Variants in CTPS2 observed in about 807,000 individuals in gnomAD.
CTPS2 encodes CTP synthase 2, also known as CTP synthase II.
A neutral mutation model predicts 46.8 loss-of-function variants in CTPS2; 19 were observed. The ratio of observed to expected loss-of-function variants is 0.41; its 90% CI spans 0.28 to 0.60. CTPS2 has a LOEUF of 0.60. Among genes scored for constraint, CTPS2 ranks in the 20% least tolerant of loss-of-function variants. The pLI is 0.35. For synonymous variants in CTPS2, 151 were observed against 165.2 expected (o/e 0.91, Z 0.66); for missense variants, 286 against 447.6 (o/e 0.64, Z 3.26).
chrX:16,675,735 C>G lies in CTPS2; in HGVS notation c.1094+2627G>C, dbSNP rs770878362. Among the ~76,000 whole-genome samples, 3 of 111,607 alleles carry G rather than the reference C, an allele frequency of 2.7e-5. No individual in the cohort carries two copies. The South Asian group carries it at 1.1e-3, about 42-fold the overall frequency. On this transcript the variant is annotated intron_variant, in intron 10 of 18. Transcript: ENST00000359276. Reference sequence around the variant, plus strand: ...AGGTAGTTAAAAATCAACTATAGAACTCTAACAGCTGTTCTTAAATGCAAG... The same window carrying G: ...AGGTAGTTAAAAATCAACTATAGAAGTCTAACAGCTGTTCTTAAATGCAAG...
At chrX:16,674,793 G>A (rs1232057376) in intron 10 of CTPS2, among the ~76,000 whole-genome samples, 5 of 105,823 alleles carry the variant, frequency 4.7e-5, no homozygotes, top group East Asian at 6.1e-4. Context: ...AGCAGAGATT[G>A]CGCCACTGCA....
In CTPS2 at chrX:16,648,836, C is replaced by T. The variant is rs958997043; in HGVS notation, c.1297-9593G>A. Among the ~76,000 whole-genome samples, 4 of 112,027 alleles carry T rather than the reference C, an allele frequency of 3.6e-5. No individual in the cohort carries two copies. In the Admixed American group the frequency reaches 3.8e-4, roughly 11 times the overall value. On this transcript the variant is annotated intron_variant, in intron 13 of 18. Transcript: ENST00000359276. Reference sequence around the variant, plus strand: ...TCTATTAGATTTCCCATTTGTTCTCCAATGTAAATAAGGCCCTAGAATTTT... The same window carrying T: ...TCTATTAGATTTCCCATTTGTTCTCTAATGTAAATAAGGCCCTAGAATTTT...
At chrX:16,609,204 A>G (rs931995707) in intron 17 of CTPS2, among the ~76,000 whole-genome samples, 2 of 111,566 alleles carry the variant, frequency 1.8e-5, no homozygotes, top group African/African-American at 3.3e-5. Context: ...AAATGAAGAA[A>G]AGATATGAAC....
In CTPS2 at chrX:16,651,933, C is replaced by CA. The variant is rs997710092; in HGVS notation, c.1297-12691dup. On this transcript the variant is annotated intron_variant, in intron 13 of 18. Coordinates refer to ENST00000359276, the MANE Select transcript of CTPS2 (RefSeq NM_175859.3). ...GGGCCATGGCGACCCATACAGGGAC[C>CA]ACTGAAACGTGTTCTTGCCATGGGG... Among the ~76,000 whole-genome samples the CA allele has an allele frequency of 8.2e-5, 9 of 109,580 alleles. No individual in the cohort carries two copies. The South Asian group carries it at 2.0e-3, about 24-fold the overall frequency.
intron 1 of CTPS2, among the ~76,000 whole-genome samples, chrX:16,704,673 C>G (rs1924852146): frequency 9.0e-6 from 1 of 111,489 alleles, no homozygotes; most frequent in Admixed American, 9.6e-5. Context: ...TTCCGCCGGG[C>G]ACGGTGGCTC....
At chrX:16,672,146 G>A (rs1158882563) in intron 10 of CTPS2, among the ~76,000 whole-genome samples, 2 of 111,335 alleles carry the variant, frequency 1.8e-5, no homozygotes, top group Non-Finnish European at 3.8e-5. Flanking sequence ...TTGGCACTAT[G>A]GGATGTTAAT....
chrX:16,651,670 T>C (rs1932639794), intron 13 of CTPS2, among the ~76,000 whole-genome samples: 1 of 112,370 alleles, frequency 8.9e-6, no homozygotes, highest in African/African-American at 3.2e-5. Context: ...TAAATTTGTG[T>C]TAATGAGGCA....
At chrX:16,645,093 C>A (rs1932251679) in intron 13 of CTPS2, among the ~76,000 whole-genome samples, 1 of 111,587 alleles carries the variant, frequency 9.0e-6, no homozygotes, top group Non-Finnish European at 1.9e-5. Context: ...CGCCATTCTC[C>A]TGCCTCAGCC....
intron 13 of CTPS2, among the ~76,000 whole-genome samples, chrX:16,650,659 C>T (rs752261752): frequency 9.2e-6 from 1 of 108,333 alleles, no homozygotes; most frequent in Non-Finnish European, 1.9e-5. Flanking sequence ...ACTATAGGCA[C>T]GCACCACCAC....
chrX:16,678,723 C>T (rs893766901), intron 9 of CTPS2, among the ~76,000 whole-genome samples: 5 of 110,237 alleles, frequency 4.5e-5, no homozygotes, highest in South Asian at 3.9e-4. Context: ...TGGGGTCAAC[C>T]GCGTGGGGTG....
intron 14 of CTPS2, 47 bp downstream of exon 14, chrX:16,639,100 T>G: frequency 2.9e-6 from 3 of 1,032,230 alleles, no homozygotes; most frequent in Non-Finnish European, 1.4e-6. Context: ...TGCAGTCACA[T>G]GAGCCACATC....
intron 1 of CTPS2, among the ~76,000 whole-genome samples, chrX:16,708,666 A>G (rs1407022948): frequency 9.0e-6 from 1 of 111,249 alleles, no homozygotes; most frequent in Admixed American, 9.8e-5. Flanking sequence ...ACTGGACTTC[A>G]CCTTTCCTGC....
At chrX:16,684,434 G>A (rs372256386) in intron 8 of CTPS2, among the ~76,000 whole-genome samples, 44 of 105,594 alleles carry the variant, frequency 4.2e-4, no homozygotes, top group Admixed American at 2.4e-3. Flanking sequence ...ACTTGAACCC[G>A]GGAGGCAGAG....
At position 16,620,288 on chromosome X, in the gene CTPS2, G is replaced by A; in HGVS notation, c.1438C>T (p.His480Tyr). 8.3e-7 allele frequency: 1 copy of A among 1,203,707 alleles called. No homozygotes were observed. ...DVPFIEERHR[H>Y]RFEVNPNLIK... is the part of the protein sequence containing the mutation. ...CATGAAAGCCGTACCTCGAACCGAT[G>A]TCTGTGTCTTTCTTCTATAAAAGGA... Residue 480 changes from histidine to tyrosine, a missense_variant, in exon 15 of 19, where the codon CAT (histidine) becomes TAT (tyrosine). Coordinates refer to ENST00000359276, the MANE Select transcript of CTPS2 (RefSeq NM_175859.3).
chrX:16,645,265 T>C (rs1450558130), intron 13 of CTPS2, among the ~76,000 whole-genome samples: 1 of 110,541 alleles, frequency 9.0e-6, no homozygotes, highest in Non-Finnish European at 1.9e-5. Flanking sequence ...AGTGCTAGGA[T>C]TACAGGCATG....
At chrX:16,691,734 C>T in intron 6 of CTPS2, 114 bp from the exon 7 acceptor site, 1 of 553,182 alleles carries the variant, frequency 1.8e-6, no homozygotes, top group Non-Finnish European at 3.1e-6. Context: ...TTGGACATTC[C>T]ACTGGACTAT....
At chrX:16,709,536 TTTTA>T (rs1925287077) in intron 1 of CTPS2, among the ~76,000 whole-genome samples, 1 of 109,902 alleles carries the variant, frequency 9.1e-6, no homozygotes, top group African/African-American at 3.3e-5. Context: ...AAGATCTAAA[TTTTA>T]TTTGTCACCA....
At chrX:16,650,111 C>T (rs1024488653) in intron 13 of CTPS2, 3 of 111,554 alleles carry the variant, frequency 2.7e-5, no homozygotes, top group Admixed American at 1.9e-4. Context: ...ATCAGGGTGG[C>T]GTGCCCGTAA....
chrX:16,693,070 A>G (rs1923827303), intron 6 of CTPS2, 71 bp downstream of exon 6: 1 of 733,679 alleles, frequency 1.4e-6, no homozygotes, highest in Non-Finnish European at 2.0e-6. Flanking sequence ...TTAAAAAAAA[A>G]AAAAAAAAAG....
Sources: gnomAD v4.1 joint callset for allele counts (sites outside exome capture counted in the v4.1 genomes callset) on GRCh38, gnomAD v4.1.1 for gene constraint, MANE v1.5 for transcripts, NCBI Gene and HGNC (gene_info 2026-07-23, HGNC 2026-07-21) for gene names.